CNTN5: variants seen among roughly 807,000 people sequenced by gnomAD.
CNTN5 encodes the protein contactin-5.
Under a neutral mutation model 129.1 loss-of-function variants are expected in CNTN5, and 77 were observed. The observed-to-expected ratio is 0.60, with a 90% CI of 0.50 to 0.72. CNTN5 has a LOEUF of 0.72. Among genes scored for constraint, CNTN5 ranks in the 30% least tolerant of loss-of-function variants. The probability of loss-of-function intolerance (pLI) is 0.00; values close to 1 mark genes in which losing one functional copy is unlikely to be tolerated. For missense variants in CNTN5, 1,478 were observed against 1,328.8 expected (o/e 1.11, Z -1.75); for synonymous variants, 509 against 465.6 (o/e 1.09, Z -1.20).
At chr11:99,308,195 C>T (rs751980968) in intron 1 of CNTN5, among the ~76,000 whole-genome samples, 13 of 152,184 alleles carry the variant, frequency 8.5e-5, no homozygotes, top group Non-Finnish European at 1.3e-4. Flanking sequence ...CTTCTTACTC[C>T]TCTTTTTATG....
At chr11:100,043,022 G>T (rs1942465041) in intron 9 of CNTN5, among the ~76,000 whole-genome samples, 1 of 148,054 alleles carries the variant, frequency 6.8e-6, no homozygotes, top group African/African-American at 2.5e-5. Context: ...GCTAAAATCA[G>T]TCCTTTGTTT....
intron 1 of CNTN5, among the ~76,000 whole-genome samples, chr11:99,200,999 T>G (rs1565398252): frequency 6.7e-6 from 1 of 148,942 alleles, no homozygotes; most frequent in Non-Finnish European, 1.5e-5. Flanking sequence ...CCTGCCCACC[T>G]GCCTTCCTTC....
chr11:99,483,201 A>T (rs1945673289), intron 2 of CNTN5, among the ~76,000 whole-genome samples: 1 of 136,038 alleles, frequency 7.4e-6, no homozygotes, highest in Admixed American at 7.5e-5. Context: ...AAAAAAAAAA[A>T]AGTTTTAGAA....
At chr11:99,542,796 A>C (rs1442818647) in intron 2 of CNTN5, among the ~76,000 whole-genome samples, 2 of 152,202 alleles carry the variant, frequency 1.3e-5, no homozygotes, top group African/African-American at 4.8e-5. Context: ...CACCCTGCTC[A>C]GTCAGTGGTT....
At chr11:99,042,740 C>G (rs1408605471) in intron 1 of CNTN5, among the ~76,000 whole-genome samples, 1 of 152,122 alleles carries the variant, frequency 6.6e-6, no homozygotes. Context: ...AGTACAATGC[C>G]TGGAATTCAG....
chr11:99,569,404 C>A (rs1949108067), intron 3 of CNTN5, among the ~76,000 whole-genome samples: 1 of 152,156 alleles, frequency 6.6e-6, no homozygotes, highest in South Asian at 2.1e-4. Context: ...AGCTCCGCCT[C>A]CCGGGTTCAA....
chr11:99,755,200 T>G (rs1944367357), intron 3 of CNTN5, among the ~76,000 whole-genome samples: 1 of 152,178 alleles, frequency 6.6e-6, no homozygotes, highest in South Asian at 2.1e-4. Flanking sequence ...TGTGTACAGA[T>G]TTTCGCATGG....
At chr11:99,395,438 C>T (rs1941471351) in intron 2 of CNTN5, among the ~76,000 whole-genome samples, 1 of 151,566 alleles carries the variant, frequency 6.6e-6, no homozygotes, top group Non-Finnish European at 1.5e-5. Flanking sequence ...ATGCTGGACG[C>T]TAGACTTTTG....
At chr11:99,285,816 T>C (rs965207580) in intron 1 of CNTN5, among the ~76,000 whole-genome samples, 2 of 152,076 alleles carry the variant, frequency 1.3e-5, no homozygotes, top group African/African-American at 4.8e-5. Context: ...TGCAGGCAGA[T>C]CACCTGAGTT....
intron 13 of CNTN5, among the ~76,000 whole-genome samples, chr11:100,108,177 A>G (rs181094606): frequency 3.7e-4 from 57 of 152,118 alleles, no homozygotes; most frequent in Admixed American, 3.6e-3. Flanking sequence ...TATAGAGAGT[A>G]GGGAGATAAA....
chr11:100,348,049 G>GTT (rs201172296), intron 23 of CNTN5, among the ~76,000 whole-genome samples: 3 of 148,554 alleles, frequency 2.0e-5, no homozygotes, highest in African/African-American at 4.9e-5. Flanking sequence ...ACTGCTCTCA[G>GTT]TTTTTTTTTT....
At chr11:99,973,776 T>A (rs1369277111) in intron 8 of CNTN5, among the ~76,000 whole-genome samples, 1 of 152,222 alleles carries the variant, frequency 6.6e-6, no homozygotes, top group Admixed American at 6.5e-5. Context: ...TACAGGATAT[T>A]GAGGATTCTA....
chr11:100,210,804 T>C lies in CNTN5; in HGVS notation c.1885-13888T>C, dbSNP rs567350308. Among the ~76,000 whole-genome samples, 85 of 152,324 alleles carry C rather than the reference T, an allele frequency of 5.6e-4. 1 individual carries two copies. The South Asian group carries it at 0.017, about 30-fold the overall frequency. On this transcript the variant is annotated intron_variant, in intron 15 of 24. Transcript: ENST00000524871. Reference sequence around the variant, plus strand: ...AAGAATGTGTATGCAGTCATGATGATAATCTCAATACATAAAATCAAAAAG... The same window carrying C: ...AAGAATGTGTATGCAGTCATGATGACAATCTCAATACATAAAATCAAAAAG...
At chr11:99,683,751 ATAGTGTATTTCTCTTT>A (rs1174167683) in intron 3 of CNTN5, among the ~76,000 whole-genome samples, 1 of 151,836 alleles carries the variant, frequency 6.6e-6, no homozygotes, top group Non-Finnish European at 1.5e-5. Context: ...CTCCTAGTAT[ATAGTGTATTTCTCTTT>A]TACATTATTT....
chr11:100,235,611 T>C (rs978046930), intron 16 of CNTN5, among the ~76,000 whole-genome samples: 2 of 152,132 alleles, frequency 1.3e-5, no homozygotes, highest in Admixed American at 1.3e-4. Flanking sequence ...TTATGTCTTT[T>C]AAGATTTCTT....
intron 1 of CNTN5, among the ~76,000 whole-genome samples, chr11:99,231,557 T>A (rs1212883835): frequency 6.6e-6 from 1 of 152,204 alleles, no homozygotes; most frequent in Admixed American, 6.5e-5. Flanking sequence ...TAAACCTTTG[T>A]CCAATGGATA....
At chr11:100,035,543 C>T (rs2137639901) in intron 9 of CNTN5, among the ~76,000 whole-genome samples, 1 of 145,376 alleles carries the variant, frequency 6.9e-6, no homozygotes, top group African/African-American at 2.6e-5. Context: ...GAGGAATCGC[C>T]ACACTGACTT....
chr11:99,294,180 C>A (rs1864287642), intron 1 of CNTN5, among the ~76,000 whole-genome samples: 1 of 151,996 alleles, frequency 6.6e-6, no homozygotes, highest in South Asian at 2.1e-4. Flanking sequence ...TGTACAGGAG[C>A]ATGTTGTTTA....
chr11:99,500,132 AAAC>A lies in CNTN5; in HGVS notation c.-70-56011_-70-56009del, dbSNP rs1405108840. On this transcript the variant is annotated intron_variant, in intron 2 of 24. Coordinates refer to ENST00000524871, the MANE Select transcript of CNTN5 (RefSeq NM_014361.4). ...GAGTAGATTTGTTTGATAATGAAAA[AAAC>A]AGAGGCAAAACACACTCAAATATTA... 5.5e-3 allele frequency among the ~76,000 whole-genome samples: 465 copies of A among 85,128 alleles called. 1 individual carries two copies. Among genetic ancestry groups the A allele is most frequent in the African/African-American group, 0.014 (394 of 28,570 alleles). 55.8% of individuals were successfully genotyped at this position (85,128 alleles called of 152,430 possible).
Sources: allele counts gnomAD v4.1 joint callset (sites outside exome capture counted in the v4.1 genomes callset), GRCh38; gene constraint gnomAD v4.1.1; transcripts MANE v1.5; gene names NCBI Gene and HGNC (gene_info 2026-07-23, HGNC 2026-07-21).